Variants in EHD4 observed in about 807,000 individuals in gnomAD.
EHD4 encodes the protein EH domain-containing protein 4.
In EHD4, 37 loss-of-function variants were observed where a neutral mutation model predicts 51.0. The observed-to-expected ratio is 0.73, with a 90% confidence interval of 0.56 to 0.95. EHD4 has a LOEUF of 0.95. Ranked by LOEUF, EHD4 falls within the 40% of genes least tolerant of loss-of-function variation. The pLI, the probability that EHD4 is intolerant of heterozygous loss-of-function variation, is 0.00. For synonymous variants in EHD4, 297 were observed against 317.3 expected (o/e 0.94, Z 0.68); for missense variants, 632 against 733.1 (o/e 0.86, Z 1.59).
intron 4 of EHD4, among the ~76,000 whole-genome samples, chr15:41,918,990 G>A (rs749084420): frequency 3.9e-5 from 6 of 152,182 alleles, no homozygotes; most frequent in Non-Finnish European, 7.3e-5. Flanking sequence ...TAGCTCCATG[G>A]TACAGATTGG....
intron 2 of EHD4, among the ~76,000 whole-genome samples, chr15:41,945,554 T>A (rs2067806178): frequency 6.6e-6 from 1 of 152,124 alleles, no homozygotes; most frequent in South Asian, 2.1e-4. Flanking sequence ...AGTGGGCAGC[T>A]GGGGTTTTGG....
intron 3 of EHD4, among the ~76,000 whole-genome samples, chr15:41,930,936 A>G (rs2067693976): frequency 6.6e-6 from 1 of 152,266 alleles, no homozygotes; most frequent in Non-Finnish European, 1.5e-5. Flanking sequence ...AAAGGTATAC[A>G]TGAAAAGATG....
intron 1 of EHD4, among the ~76,000 whole-genome samples, chr15:41,964,000 C>G (rs1853085222): frequency 1.3e-5 from 2 of 151,784 alleles, no homozygotes; most frequent in South Asian, 2.1e-4. Flanking sequence ...AAAAAATTAG[C>G]CGGGAGTGGT....
chr15:41,900,750 G>A lies in EHD4; in HGVS notation c.1521C>T (p.Ala507=). ...GMLDEEEFAL[A]KHLIKIKLDG... is the part of the protein sequence containing the mutation. The stretch of plus-strand genomic sequence containing the variant: ...CGAGCTTGATCTTGATGAGGTGCTT[G>A]GCCAGCGCGAACTCCTCCTCATCAA... The change falls in exon 6 of 6, where the codon GCC becomes GCT. Residue 507 remains alanine, a synonymous_variant. Coordinates refer to ENST00000220325, the MANE Select transcript of EHD4 (RefSeq NM_139265.4). The surrounding 1 kb of genome is among the most constrained non-coding windows in gnomAD (Gnocchi z 4.8). 1 of 1,613,710 alleles carries A rather than the reference G, an allele frequency of 6.2e-7. No individual in the cohort carries two copies. Among genetic ancestry groups the A allele is most frequent in the Non-Finnish European group, 8.5e-7 (1 of 1,180,028 alleles).
At chr15:41,938,460 C>T (rs1262097806) in intron 3 of EHD4, among the ~76,000 whole-genome samples, 2 of 152,238 alleles carry the variant, frequency 1.3e-5, no homozygotes, top group African/African-American at 4.8e-5. Context: ...TTACTGTCCA[C>T]TGCTTTTACC....
rs533937420 is a variant in EHD4, at chr15:41,900,675, C to T, written c.1596G>A (p.Ser532=). 6.4e-5 allele frequency: 103 copies of T among 1,600,892 alleles called. 1 individual carries two copies. In the South Asian group the frequency reaches 7.2e-4, roughly 11 times the overall value. ...CGGCCTTGGGCAGGGACTTCCTGTG[C>T]GAGGGGGGCACGAGGTGGGGGGGCA... ...SSLPPHLVPP[S]HRKSLPKAD is the part of the protein sequence containing the mutation. The change falls in exon 6 of 6, where the codon TCG becomes TCA. Residue 532 remains serine (S), a synonymous_variant. Transcript: ENST00000220325. The surrounding 1 kb of genome is among the most constrained non-coding windows in gnomAD (Gnocchi z 4.8).
chr15:41,916,640 C>T (rs189371214), intron 4 of EHD4, among the ~76,000 whole-genome samples: 7 of 152,300 alleles, frequency 4.6e-5, no homozygotes, highest in Admixed American at 1.3e-4. Flanking sequence ...ACAAGTTCAG[C>T]GGTGGAACAT....
At chr15:41,931,163 A>G (rs548634921) in intron 3 of EHD4, among the ~76,000 whole-genome samples, 1 of 152,324 alleles carries the variant, frequency 6.6e-6, no homozygotes, top group Admixed American at 6.5e-5. Flanking sequence ...ATTTTTTTAC[A>G]TTGATAAAGA....
intron 3 of EHD4, among the ~76,000 whole-genome samples, chr15:41,920,636 A>G (rs921918406): frequency 1.3e-5 from 2 of 152,126 alleles, no homozygotes; most frequent in African/African-American, 2.4e-5. Context: ...CTACCACATA[A>G]TTTTAACAAA....
In EHD4 at chr15:41,953,686, C is replaced by G. The variant is rs946848835; in HGVS notation, c.413+78G>C. 15 of 1,448,474 alleles carry G rather than the reference C, an allele frequency of 1.0e-5. No homozygotes were observed. In the South Asian group the frequency reaches 1.7e-4, roughly 16 times the overall value. 89.7% of individuals were successfully genotyped at this position (1,448,474 alleles called of 1,614,324 possible). A position where few individuals can be genotyped will look rare whatever the true frequency, so the allele number is the denominator to read the frequency against. On this transcript the variant is annotated intron_variant, in intron 2 of 5. Transcript: ENST00000220325. ...GATTCTTTGTTCTTCTGTTTTTGAACCTTTATATGTAACTGGCAGTAATTC... is the reference window on the plus strand; with the variant it reads ...GATTCTTTGTTCTTCTGTTTTTGAAGCTTTATATGTAACTGGCAGTAATTC...
chr15:41,943,176 G>T lies in EHD4; in HGVS notation c.414-12C>A. 1 of 1,567,628 alleles carries T rather than the reference G, an allele frequency of 6.4e-7. No individual in the cohort carries two copies. Among genetic ancestry groups the T allele is most frequent in the South Asian group, 1.2e-5 (1 of 85,366 alleles). ...GTGAGCACATGAATCTGGAAGAGAC[G>T]GATCAAAGGAGGGGTCAGAAACTGG... On this transcript the variant is annotated splice_polypyrimidine_tract_variant and intron_variant, in intron 2 of 5. Coordinates refer to ENST00000220325, the MANE Select transcript of EHD4 (RefSeq NM_139265.4).
At chr15:41,967,320 A>T (rs1483495562) in intron 1 of EHD4, among the ~76,000 whole-genome samples, 4 of 152,160 alleles carry the variant, frequency 2.6e-5, no homozygotes, top group Non-Finnish European at 5.9e-5. Flanking sequence ...CTATGCCCCC[A>T]GCCACCCTGT....
intron 3 of EHD4, among the ~76,000 whole-genome samples, chr15:41,932,304 C>T (rs534104147): frequency 5.3e-5 from 8 of 152,286 alleles, no homozygotes; most frequent in African/African-American, 1.9e-4. Context: ...CGTGAGTGGG[C>T]GGGTGAGCTG....
At chr15:41,928,438 C>CG (rs2067677125) in intron 3 of EHD4, 1 of 152,174 alleles carries the variant, frequency 6.6e-6, no homozygotes, top group South Asian at 2.1e-4. Context: ...CCCAGGGACT[C>CG]GGATCCTAGA....
rs1008721371 is a variant in EHD4 at position 41,929,665 on chromosome 15, G to A, written c.512-10043C>T. ...TAAAAAAACCTACCAAGAAAATCCT[G>A]TAAGTCCTGGAGCCTGGCTTAACAA... On this transcript the variant is annotated intron_variant, in intron 3 of 5. Transcript: ENST00000220325. Among the ~76,000 whole-genome samples, 3 of 152,208 alleles carry A rather than the reference G, an allele frequency of 2.0e-5. No homozygotes were observed. In the South Asian group the frequency reaches 6.2e-4, roughly 32 times the overall value.
In EHD4 at chr15:41,901,201, A is replaced by G. The variant is rs1380922331; in HGVS notation, c.1090-20T>C. The G allele has an allele frequency of 1.3e-6, 2 of 1,529,614 alleles. No homozygotes were observed. The highest frequency in any genetic ancestry group is 1.8e-6 in the Non-Finnish European group (2 of 1,141,512). 94.8% of individuals were successfully genotyped at this position (1,529,614 alleles called of 1,614,324 possible). On this transcript the variant is annotated intron_variant, in intron 5 of 5. Coordinates refer to ENST00000220325, the MANE Select transcript of EHD4 (RefSeq NM_139265.4). Reference sequence around the variant, plus strand: ...CTGTTCCTGCAGAAGGACAAACCACAGGATGGGTTACATGTGGTCTCTTCA... The same window carrying G: ...CTGTTCCTGCAGAAGGACAAACCACGGGATGGGTTACATGTGGTCTCTTCA...
chr15:41,956,410 A>G (rs1255748460), intron 1 of EHD4, among the ~76,000 whole-genome samples: 2 of 152,248 alleles, frequency 1.3e-5, no homozygotes, highest in Admixed American at 6.5e-5. Context: ...TCACTCACAC[A>G]GCACAGGTGT....
At chr15:41,944,963 A>T (rs1366539329) in intron 2 of EHD4, among the ~76,000 whole-genome samples, 1 of 152,184 alleles carries the variant, frequency 6.6e-6, no homozygotes, top group East Asian at 1.9e-4. Flanking sequence ...AATAAAGCAC[A>T]TGAGGCTCAC....
chr15:41,966,117 C>T (rs574672336), intron 1 of EHD4, among the ~76,000 whole-genome samples: 5 of 152,176 alleles, frequency 3.3e-5, no homozygotes, highest in South Asian at 4.1e-4. Flanking sequence ...TGAGGTTGTG[C>T]TTGTCTTTAC....
Sources: gnomAD v4.1 joint callset for allele counts (sites outside exome capture counted in the v4.1 genomes callset) on GRCh38, gnomAD v4.1.1 for gene constraint, Gnocchi (gnomAD v3.1) non-coding constraint, MANE v1.5 for transcripts, NCBI Gene and HGNC (gene_info 2026-07-23, HGNC 2026-07-21) for gene names.